The following TPPP variants were observed in gnomAD, a reference collection of about 807,000 sequenced individuals.
TPPP encodes the protein tubulin polymerization-promoting protein.
Under a neutral mutation model 15.5 loss-of-function variants are expected in TPPP, and 6 were observed. That is an observed-to-expected ratio of 0.39 (90% CI 0.21 to 0.77). The LOEUF is 0.77. Among genes scored for constraint, TPPP ranks in the 30% least tolerant of loss-of-function variants. The pLI, the probability that TPPP is intolerant of heterozygous loss-of-function variation, is 0.42. For missense variants in TPPP, 269 were observed against 307.2 expected, an observed-to-expected ratio of 0.88 and a Z score of 0.93; for synonymous variants, 146 against 133.9, an observed-to-expected ratio of 1.09 and a Z score of -0.63.
chr5:686,040 G>A (rs1471063566), intron 1 of TPPP, among the ~76,000 whole-genome samples: 6 of 152,204 alleles, frequency 3.9e-5, no homozygotes, highest in Non-Finnish European at 8.8e-5. Context: ...ACGCTGTGGC[G>A]GAGACTGATA....
intron 1 of TPPP, among the ~76,000 whole-genome samples, chr5:692,074 GC>G (rs1489426584): frequency 3.5e-4 from 20 of 57,420 alleles, no homozygotes; most frequent in African/African-American, 1.2e-3. Context: ...CAAAACAGCA[GC>G]CCCCCTAAGC....
chr5:681,044 G>T (rs1001394142), intron 1 of TPPP, among the ~76,000 whole-genome samples: 2 of 152,188 alleles, frequency 1.3e-5, no homozygotes, highest in Non-Finnish European at 2.9e-5. Context: ...ATTTAATTTT[G>T]AGAGAACATG....
At chr5:673,262 C>T (rs1281506566) in intron 2 of TPPP, among the ~76,000 whole-genome samples, 2 of 152,178 alleles carry the variant, frequency 1.3e-5, no homozygotes, top group Admixed American at 1.3e-4. Flanking sequence ...CCTCTCTCTT[C>T]CTGAGACAAG....
rs559116179 is a variant in TPPP at position 663,250 on chromosome 5, C to G, written c.*1852G>C. On this transcript the variant is annotated 3_prime_UTR_variant, in exon 4 of 4. Transcript: ENST00000360578. The stretch of plus-strand genomic sequence containing the variant: ...CGAACCGCACATTCAGAGTTGTTTT[C>G]AAATGTTTCCGCACGTTAGTTCTGC... The G allele has an allele frequency of 5.9e-5, 9 of 152,380 alleles. No homozygotes were observed. Among genetic ancestry groups the G allele is most frequent in the Non-Finnish European group, 8.8e-5 (6 of 68,052 alleles). 9.4% of individuals were successfully genotyped at this position (152,380 alleles called of 1,614,324 possible).
At chr5:676,523 A>C (rs1320098348) in intron 2 of TPPP, 1 of 150,722 alleles carries the variant, frequency 6.6e-6, no homozygotes, top group Non-Finnish European at 1.5e-5. Context: ...AGAGGTGATG[A>C]GTTTGCGGCA....
At chr5:676,709 C>T (rs953094466) in intron 2 of TPPP, 1 of 152,268 alleles carries the variant, frequency 6.6e-6, no homozygotes, top group Admixed American at 6.5e-5. Context: ...GTGAGGGTGC[C>T]TCAGTGTGCT....
At chr5:691,844 CA>C in intron 1 of TPPP, among the ~76,000 whole-genome samples, 1 of 88,678 alleles carries the variant, frequency 1.1e-5, no homozygotes, top group African/African-American at 3.8e-5. Flanking sequence ...CAGCAGCCCT[CA>C]ACCCCCATCA....
At position 665,152 on chromosome 5, in the gene TPPP, C is replaced by T. The variant is rs764006684; in HGVS notation, c.610G>A (p.Gly204Ser). The T allele has an allele frequency of 1.1e-5, 18 of 1,613,210 alleles. No homozygotes were observed. Among genetic ancestry groups the T allele is most frequent in the East Asian group, 6.7e-5 (3 of 44,894 alleles). The change falls in exon 4 of 4, where the codon GGC (glycine) becomes AGC (serine). Residue 204 changes from glycine (G) to serine (S), a missense_variant. Physicochemically the swap from Gly to Ser is moderately conservative, Grantham distance 56. Coordinates refer to ENST00000360578, the MANE Select transcript of TPPP (RefSeq NM_007030.3). ...TCGTAGGTGCCTGCGTGCTTGTAGC[C>T]GGACACATAGCCTGACTCGTCCACC... ...DLVDESGYVS[G>S]YKHAGTYDQK...
intron 1 of TPPP, among the ~76,000 whole-genome samples, chr5:686,944 G>A (rs1740782219): frequency 7.0e-6 from 1 of 142,920 alleles, no homozygotes; most frequent in Admixed American, 7.0e-5. Context: ...AAGGGCCCTT[G>A]TCGGACGCCA....
At chr5:676,009 CCAGCTTCTCTGGGACTG>C (rs1218018326) in intron 2 of TPPP, 3 of 123,652 alleles carry the variant, frequency 2.4e-5, no homozygotes, top group African/African-American at 1.4e-4. Flanking sequence ...AGCCTCCCCT[CCAGCTTCTCTGGGACTG>C]AGGCTGGGAG....
Position 666,006 on chromosome 5 carries a change from G to T in TPPP, c.429C>A (p.Leu143=). ...SEEAVREVHR[L]IEGKAPIISG... Reference sequence around the variant, plus strand: ...AGATGATGGGCGCCTTGCCCTCGATGAGCCTGTGCACCTCGCGAACGGCCT... The same window carrying T: ...AGATGATGGGCGCCTTGCCCTCGATTAGCCTGTGCACCTCGCGAACGGCCT... The change falls in exon 3 of 4, where the codon CTC becomes CTA. Residue 143 remains leucine, a synonymous_variant. Transcript: ENST00000360578. 1.9e-6 allele frequency: 3 copies of T among 1,598,596 alleles called. No homozygotes were observed. Among genetic ancestry groups the T allele is most frequent in the Non-Finnish European group, 2.6e-6 (3 of 1,175,244 alleles).
At position 679,470 on chromosome 5, in the gene TPPP, C is replaced by T. The variant is rs1166320536; in HGVS notation, c.-4-1406G>A. 1.0e-4 allele frequency among the ~76,000 whole-genome samples: 15 copies of T among 149,374 alleles called. 1 individual carries two copies. Among genetic ancestry groups the T allele is most frequent in the African/African-American group, 2.5e-4 (10 of 40,226 alleles). On this transcript the variant is annotated intron_variant, in intron 1 of 3. Coordinates refer to ENST00000360578, the MANE Select transcript of TPPP (RefSeq NM_007030.3). ...GGGGTGGAAGGGCCAGGTCAGGTGT[C>T]GAGCTGGGAACAGTTTCCAGTTTTA...
chr5:686,425 G>A (rs464251), intron 1 of TPPP, among the ~76,000 whole-genome samples: 8,350 of 118,466 alleles, frequency 0.07, 3 homozygotes, highest in African/African-American at 0.25. Context: ...TGCAGAACCA[G>A]GGGCTGGTCC....
At chr5:668,448 G>C (rs61419136) in intron 2 of TPPP, among the ~76,000 whole-genome samples, 31,431 of 105,042 alleles carry the variant, frequency 0.3, 5,611 homozygotes, top group African/African-American at 0.52. Context: ...AGGGAAGTGC[G>C]GACAAGCACA....
At position 665,063 on chromosome 5, in the gene TPPP, C is replaced by G. The variant is rs564482827; in HGVS notation, c.*39G>C. 6.3e-7 allele frequency: 1 copy of G among 1,589,566 alleles called. No homozygotes were observed. Among genetic ancestry groups the G allele is most frequent in the South Asian group, 1.1e-5 (1 of 89,884 alleles). On this transcript the variant is annotated 3_prime_UTR_variant, in exon 4 of 4. Coordinates refer to ENST00000360578, the MANE Select transcript of TPPP (RefSeq NM_007030.3). ...AGTGCGAGGTGACAGAGTCCCTGCT[C>G]TGGGGACACCGGCAGTGCCGCGAGG...
intron 2 of TPPP, among the ~76,000 whole-genome samples, chr5:670,512 C>G (rs1403225273): frequency 1.3e-5 from 2 of 152,226 alleles, no homozygotes; most frequent in East Asian, 3.9e-4. Context: ...CCATTAGCCC[C>G]TGAGACCTGA....
upstream of TPPP, among the ~76,000 whole-genome samples, chr5:696,071 T>C (rs62330331): frequency 0.5 from 29,672 of 59,526 alleles, 9,446 homozygotes; most frequent in African/African-American, 0.8. Flanking sequence ...CCCTGCTGCC[T>C]GGCACCCGCG....
At chr5:675,215 G>GGGGTGCAGCGCAGA in intron 2 of TPPP, among the ~76,000 whole-genome samples, 1 of 92,660 alleles carries the variant, frequency 1.1e-5, no homozygotes, top group Non-Finnish European at 2.2e-5. Flanking sequence ...AGTGTAGCCG[G>GGGGTGCAGCGCAGA]GGGTGCAGTG....
At position 665,117 on chromosome 5, in the gene TPPP, C is replaced by T. The variant is rs1208617448; in HGVS notation, c.645G>A (p.Val215=). 1 of 1,611,050 alleles carries T rather than the reference C, an allele frequency of 6.2e-7. No individual in the cohort carries two copies. Among genetic ancestry groups the T allele is most frequent in the Non-Finnish European group, 8.5e-7 (1 of 1,179,934 alleles). The change falls in exon 4 of 4, where the codon GTG becomes GTA. Residue 215 remains valine (V), a synonymous_variant. Coordinates refer to ENST00000360578, the MANE Select transcript of TPPP (RefSeq NM_007030.3). ...YKHAGTYDQK[V]QGGK ...GGAGCGGGGGCTACTTGCCCCCTTG[C>T]ACCTTCTGGTCGTAGGTGCCTGCGT...
Sources: allele counts gnomAD v4.1 joint callset (sites outside exome capture counted in the v4.1 genomes callset), GRCh38; gene constraint gnomAD v4.1.1; transcripts MANE v1.5; gene names NCBI Gene and HGNC (gene_info 2026-07-23, HGNC 2026-07-21).